The following ADCY2 variants were observed in gnomAD, a reference collection of about 807,000 sequenced individuals.
ADCY2 encodes adenylate cyclase 2.
A neutral mutation model predicts 125.2 loss-of-function variants in ADCY2; 31 were observed. That is an observed-to-expected ratio of 0.25 (90% confidence interval 0.19 to 0.33). ADCY2 has a LOEUF of 0.33. Ranked by LOEUF, ADCY2 falls within the 10% of genes least tolerant of loss-of-function variation. ADCY2 has a pLI of 1.00. For synonymous variants in ADCY2, 512 were observed against 548.4 expected, an observed-to-expected ratio of 0.93 and a Z score of 0.93; for missense variants, 904 against 1,418.2, an observed-to-expected ratio of 0.64 and a Z score of 5.82.
chr5:7,417,876 G>A (rs1057016187), intron 2 of ADCY2, among the ~76,000 whole-genome samples: 1 of 152,214 alleles, frequency 6.6e-6, no homozygotes, highest in Non-Finnish European at 1.5e-5. Context: ...TTAGCAGAAT[G>A]CTGTCCAGCC....
chr5:7,575,348 G>GT (rs1736214254), intron 3 of ADCY2, among the ~76,000 whole-genome samples: 1 of 151,872 alleles, frequency 6.6e-6, no homozygotes, highest in Non-Finnish European at 1.5e-5. Flanking sequence ...ACACAAAACT[G>GT]TTTTTTAAAA....
At chr5:7,580,032 A>G (rs2126610880) in intron 3 of ADCY2, among the ~76,000 whole-genome samples, 1 of 152,272 alleles carries the variant, frequency 6.6e-6, no homozygotes, top group East Asian at 1.9e-4. Flanking sequence ...CAAATAACAA[A>G]CATTCTCAGT....
At chr5:7,589,511 A>AAAGAAAGAAAGAAAAAG (rs757777978) in intron 3 of ADCY2, among the ~76,000 whole-genome samples, 2 of 110,368 alleles carry the variant, frequency 1.8e-5, no homozygotes, top group Non-Finnish European at 3.9e-5. Flanking sequence ...AGAAAGAAAG[A>AAAGAAAGAAAGAAAAAG]AAAGAAAAGA....
chr5:7,675,967 T>C (rs137875895), intron 4 of ADCY2, among the ~76,000 whole-genome samples: 268 of 152,348 alleles, frequency 1.8e-3, no homozygotes, highest in African/African-American at 6.2e-3. Context: ...AGGAGAACAT[T>C]TGTGAATTCA....
At chr5:7,522,196 G>A (rs57333308) in intron 3 of ADCY2, among the ~76,000 whole-genome samples, 21,029 of 152,174 alleles carry the variant, frequency 0.14, 1,707 homozygotes, top group African/African-American at 0.21. Flanking sequence ...CAACATTACG[G>A]TTTGCTATAT....
At chr5:7,534,391 G>T (rs1403532868) in intron 3 of ADCY2, among the ~76,000 whole-genome samples, 1 of 152,154 alleles carries the variant, frequency 6.6e-6, no homozygotes, top group Non-Finnish European at 1.5e-5. Context: ...TTGTCTTTGT[G>T]TGTTTAACTG....
intron 2 of ADCY2, among the ~76,000 whole-genome samples, chr5:7,432,408 T>G (rs1740637315): frequency 6.6e-6 from 1 of 152,206 alleles, no homozygotes. Flanking sequence ...GTAACACTCC[T>G]TCTGGGGCTT....
chr5:7,411,976 G>A lies in ADCY2; in HGVS notation c.211-2597G>A, dbSNP rs1211547084. Among the ~76,000 whole-genome samples, 4 of 151,910 alleles carry A rather than the reference G, an allele frequency of 2.6e-5. No homozygotes were observed. In the East Asian group the frequency reaches 7.8e-4, roughly 30 times the overall value. The stretch of plus-strand genomic sequence containing the variant: ...TGTAGTCCCAGCTACTTGGGAGGCT[G>A]AGGCAGGAGAATGGCGTGAACCCAG... On this transcript the variant is annotated intron_variant, in intron 1 of 24. Transcript: ENST00000338316.
intron 4 of ADCY2, among the ~76,000 whole-genome samples, chr5:7,632,636 T>G (rs1180715662): frequency 1.3e-5 from 2 of 152,204 alleles, no homozygotes; most frequent in Admixed American, 6.5e-5. Context: ...TCACAGTGTT[T>G]GCTATTCCAA....
At chr5:7,703,967 A>C (rs1579335242) in intron 7 of ADCY2, among the ~76,000 whole-genome samples, 1 of 148,126 alleles carries the variant, frequency 6.8e-6, no homozygotes, top group Non-Finnish European at 1.5e-5. Flanking sequence ...ACACCACTGC[A>C]CTTCAGCCTG....
chr5:7,669,811 G>A (rs887027561), intron 4 of ADCY2, among the ~76,000 whole-genome samples: 3 of 152,168 alleles, frequency 2.0e-5, no homozygotes, highest in Admixed American at 6.5e-5. Context: ...AAGCAGCAGG[G>A]TTAGCTTTTG....
intron 3 of ADCY2, among the ~76,000 whole-genome samples, chr5:7,598,101 G>C (rs1222662616): frequency 6.6e-6 from 1 of 152,196 alleles, no homozygotes; most frequent in East Asian, 1.9e-4. Context: ...GTGTGGTGGA[G>C]TGCATGAGAG....
intron 3 of ADCY2, among the ~76,000 whole-genome samples, chr5:7,545,005 G>C (rs534643894): frequency 6.6e-6 from 1 of 152,320 alleles, no homozygotes; most frequent in Non-Finnish European, 1.5e-5. Context: ...CTCTGGGCTA[G>C]CAAGGAAGAG....
intron 1 of ADCY2, among the ~76,000 whole-genome samples, chr5:7,407,248 G>A (rs1323493814): frequency 6.6e-6 from 1 of 152,184 alleles, no homozygotes; most frequent in African/African-American, 2.4e-5. Flanking sequence ...TAAGGCACTG[G>A]TTTGGGTGGA....
intron 20 of ADCY2, chr5:7,799,316 T>C (rs559375386): frequency 6.6e-6 from 1 of 152,420 alleles, no homozygotes; most frequent in East Asian, 1.9e-4. Context: ...CCACACCCAA[T>C]GCAACCACAT....
intron 9 of ADCY2, 63 bp downstream of exon 9, chr5:7,707,901 A>G (rs570096799): frequency 1.3e-6 from 2 of 1,554,118 alleles, no homozygotes; most frequent in African/African-American, 2.7e-5. Flanking sequence ...TGATATTCAT[A>G]AGTGTTTTTA....
rs566539624 is a variant in ADCY2, at chr5:7,446,293, C to T, written c.408+31523C>T. 1.1e-4 allele frequency among the ~76,000 whole-genome samples: 17 copies of T among 152,116 alleles called. No homozygotes were observed. The South Asian group carries it at 2.7e-3, about 24-fold the overall frequency. On this transcript the variant is annotated intron_variant, in intron 2 of 24. Coordinates refer to ENST00000338316, the MANE Select transcript of ADCY2 (RefSeq NM_020546.3). ...ACTATATTTAAGAAACTTGATTGTT[C>T]GTTGTAGTCTCTGGCATTATAAAGC...
intron 4 of ADCY2, among the ~76,000 whole-genome samples, chr5:7,657,663 C>G (rs923405777): frequency 6.6e-6 from 1 of 152,154 alleles, no homozygotes. Flanking sequence ...CTTTCCTGCA[C>G]TAAGGGCGAA....
chr5:7,725,362 A>G lies in ADCY2; in HGVS notation c.1773+748A>G, dbSNP rs115391802. On this transcript the variant is annotated intron_variant, in intron 13 of 24. Transcript: ENST00000338316. ...TAATGGTAGCATTCGCAGCTCTGGT[A>G]TTAAAATTATGTTGATAAAATTTAG... Among the ~76,000 whole-genome samples, 308 of 152,314 alleles carry G rather than the reference A, an allele frequency of 2.0e-3. 4 individuals are homozygous for G. Among genetic ancestry groups the G allele is most frequent in the African/African-American group, 7.0e-3 (290 of 41,552 alleles).
Sources: allele counts gnomAD v4.1 joint callset (sites outside exome capture counted in the v4.1 genomes callset), GRCh38; gene constraint gnomAD v4.1.1; transcripts MANE v1.5; gene names NCBI Gene and HGNC (gene_info 2026-07-23, HGNC 2026-07-21).